EPM2A: variants seen among roughly 807,000 people sequenced by gnomAD.
EPM2A encodes the protein laforin.
EPM2A carries 21 observed loss-of-function variants against 26.5 expected under a neutral mutation model. The observed-to-expected ratio is 0.79, with a 90% CI of 0.56 to 1.14. The LOEUF is 1.14. Ranked by LOEUF, EPM2A falls within the 50% of genes most tolerant of loss-of-function variation. EPM2A has a pLI of 0.00. For missense variants in EPM2A, 458 were observed against 440.8 expected, an observed-to-expected ratio of 1.04 and a Z score of -0.35; for synonymous variants, 217 against 177.6, an observed-to-expected ratio of 1.22 and a Z score of -1.76.
intron 3 of EPM2A, chr6:145,627,989 C>G: frequency 2.4e-6 from 1 of 415,630 alleles, no homozygotes; most frequent in East Asian, 4.2e-5. Flanking sequence ...GAAAAGTGAC[C>G]TATCGCCTGT....
chr6:145,720,403 C>G (rs1775891893), intron 1 of EPM2A, among the ~76,000 whole-genome samples: 1 of 152,086 alleles, frequency 6.6e-6, no homozygotes, highest in Non-Finnish European at 1.5e-5. Flanking sequence ...TAAATTCTTC[C>G]TCATAATTAT....
At chr6:145,554,459 G>GATACATAGATAC (rs1554250303) in intron 2 of EPM2A, among the ~76,000 whole-genome samples, 11 of 151,612 alleles carry the variant, frequency 7.3e-5, no homozygotes, top group African/African-American at 2.4e-4. Flanking sequence ...TAGATAGATA[G>GATACATAGATAC]ATAGATAGAT....
At chr6:145,474,801 T>A (rs887447036) in intron 4 of EPM2A, among the ~76,000 whole-genome samples, 5 of 151,980 alleles carry the variant, frequency 3.3e-5, no homozygotes, top group African/African-American at 1.2e-4. Flanking sequence ...CATCAAAAAG[T>A]GGGCAAAGGA....
intron 4 of EPM2A, among the ~76,000 whole-genome samples, chr6:145,384,250 G>C (rs1041889775): frequency 6.6e-6 from 1 of 152,140 alleles, no homozygotes; most frequent in Non-Finnish European, 1.5e-5. Context: ...GTTAAACGTA[G>C]CTTACAAAAA....
intron 4 of EPM2A, among the ~76,000 whole-genome samples, chr6:145,418,171 A>G (rs1213991042): frequency 1.3e-5 from 2 of 152,158 alleles, no homozygotes; most frequent in Admixed American, 6.5e-5. Flanking sequence ...AGGCCTTTGC[A>G]TCACCACTAA....
intron 4 of EPM2A, among the ~76,000 whole-genome samples, chr6:145,425,296 C>T (rs1156751712): frequency 6.6e-6 from 1 of 152,072 alleles, no homozygotes; most frequent in Non-Finnish European, 1.5e-5. Context: ...ACCTCGGCCT[C>T]CTGAGTAGCT....
intron 4 of EPM2A, among the ~76,000 whole-genome samples, chr6:145,418,136 C>T (rs933673015): frequency 6.6e-6 from 1 of 152,158 alleles, no homozygotes; most frequent in African/African-American, 2.4e-5. Context: ...TTCTGTTCTC[C>T]ATCTGTATGT....
At chr6:145,397,102 T>A (rs1778415545) in intron 4 of EPM2A, among the ~76,000 whole-genome samples, 1 of 152,198 alleles carries the variant, frequency 6.6e-6, no homozygotes, top group Non-Finnish European at 1.5e-5. Context: ...ATTTTGCAGT[T>A]CACTCCCGTG....
chr6:145,685,417 C>A (rs1780834652), intron 2 of EPM2A, among the ~76,000 whole-genome samples: 1 of 151,956 alleles, frequency 6.6e-6, no homozygotes, highest in African/African-American at 2.4e-5. Context: ...GGAGAGAGGA[C>A]AAGTATGAGA....
intron 4 of EPM2A, among the ~76,000 whole-genome samples, chr6:145,404,968 G>C (rs187312288): frequency 6.6e-6 from 1 of 152,096 alleles, no homozygotes; most frequent in African/African-American, 2.4e-5. Flanking sequence ...AAAACTTTGT[G>C]TCCACAAACT....
At chr6:145,424,000 C>A (rs1024795473) in intron 4 of EPM2A, among the ~76,000 whole-genome samples, 4 of 152,174 alleles carry the variant, frequency 2.6e-5, no homozygotes, top group African/African-American at 9.7e-5. Context: ...TGGGGCCCAT[C>A]AACAAGGTGA....
intron 4 of EPM2A, among the ~76,000 whole-genome samples, chr6:145,411,216 A>C (rs554792927): frequency 6.6e-6 from 1 of 152,346 alleles, no homozygotes; most frequent in East Asian, 1.9e-4. Context: ...ACTTATGATC[A>C]GTAATCAAGT....
At chr6:145,442,664 A>G (rs1438875860) in intron 4 of EPM2A, among the ~76,000 whole-genome samples, 1 of 151,324 alleles carries the variant, frequency 6.6e-6, no homozygotes, top group East Asian at 2.1e-4. Flanking sequence ...CAGACAAACC[A>G]TATCAGTAGT....
chr6:145,732,587 A>C (rs1250674312), intron 1 of EPM2A, among the ~76,000 whole-genome samples: 1 of 152,164 alleles, frequency 6.6e-6, no homozygotes, highest in Admixed American at 6.5e-5. Flanking sequence ...TCTTCTGTTA[A>C]AAAAATTAAT....
At chr6:145,677,782 C>T (rs2128606057) in intron 2 of EPM2A, among the ~76,000 whole-genome samples, 1 of 152,194 alleles carries the variant, frequency 6.6e-6, no homozygotes, top group African/African-American at 2.4e-5. Flanking sequence ...TAAAAGGGGA[C>T]ACAAACAAAT....
chr6:145,622,309 C>A (rs560079552), downstream of EPM2A, among the ~76,000 whole-genome samples: 10 of 152,282 alleles, frequency 6.6e-5, no homozygotes, highest in South Asian at 2.1e-3. Flanking sequence ...AAACTCAACC[C>A]AATCTGGTCC....
chr6:145,590,828 A>C, intron 2 of EPM2A, among the ~76,000 whole-genome samples: 1 of 152,188 alleles, frequency 6.6e-6, no homozygotes, highest in East Asian at 1.9e-4. Context: ...AAAAATCATA[A>C]TAATAACAGG....
intron 4 of EPM2A, among the ~76,000 whole-genome samples, chr6:145,455,310 C>A (rs376647170): frequency 1.9e-5 from 1 of 53,394 alleles, no homozygotes; most frequent in Non-Finnish European, 4.3e-5. Context: ...AAGAAAAAAA[C>A]AACTACTTAT....
chr6:145,682,101 A>G (rs1780582195), intron 2 of EPM2A, among the ~76,000 whole-genome samples: 1 of 152,172 alleles, frequency 6.6e-6, no homozygotes, highest in Non-Finnish European at 1.5e-5. Flanking sequence ...AGGAGGTTTA[A>G]TGGACTCACA....
Sources: allele counts gnomAD v4.1 joint callset (sites outside exome capture counted in the v4.1 genomes callset), GRCh38; gene constraint gnomAD v4.1.1; transcripts MANE v1.5; gene names NCBI Gene and HGNC (gene_info 2026-07-23, HGNC 2026-07-21).